The following XAF1 variants were observed in gnomAD, a reference collection of about 807,000 sequenced individuals.
XAF1 encodes the protein XIAP associated factor 1.
A neutral mutation model predicts 32.3 loss-of-function variants in XAF1; 32 were observed. The observed-to-expected ratio is 0.99, with a 90% CI of 0.75 to 1.33. The LOEUF (loss-of-function observed/expected upper bound fraction) is 1.33, where lower values mean the gene tolerates loss of function less well. Ranked by LOEUF, XAF1 falls within the 40% of genes most tolerant of loss-of-function variation. XAF1 has a pLI of 0.00. For missense variants in XAF1, 379 were observed against 366.0 expected (o/e 1.04, Z -0.29); for synonymous variants, 120 against 125.9 (o/e 0.95, Z 0.31).
Position 6,758,204 on chromosome 17 carries a change from T to C in XAF1, c.148T>C (p.Cys50Arg). Residue 50 changes from cysteine to arginine, a missense_variant, in exon 2 of 7, where the codon TGC becomes CGC. Coordinates refer to ENST00000361842, the MANE Select transcript of XAF1 (RefSeq NM_017523.5). Reference sequence around the variant, plus strand: ...CCCCAAGGAAACCATGGAGGAGCACTGCAAGCTTGAGCACCAGCAGGTGAG... The same window carrying C: ...CCCCAAGGAAACCATGGAGGAGCACCGCAAGCTTGAGCACCAGCAGGTGAG... ...PVPKETMEEHCKLEHQQVGCT... is the reference protein window; with the variant it reads ...PVPKETMEEHRKLEHQQVGCT... 6.2e-7 allele frequency: 1 copy of C among 1,614,176 alleles called. No homozygotes were observed. Among genetic ancestry groups the C allele is most frequent in the South Asian group, 1.1e-5 (1 of 91,074 alleles).
At chr17:6,763,054 G>A (rs530711752) in intron 5 of XAF1, among the ~76,000 whole-genome samples, 1 of 152,298 alleles carries the variant, frequency 6.6e-6, no homozygotes, top group South Asian at 2.1e-4. Context: ...ACAATGTTGT[G>A]CAATCTGGTT....
In XAF1 at chr17:6,770,697, G is replaced by A. The variant is rs34625877; in HGVS notation, c.562G>A (p.Glu188Lys). 2.9e-3 allele frequency: 4,590 copies of A among 1,610,252 alleles called. 125 individuals carry two copies. In the African/African-American group the frequency reaches 0.055, roughly 19 times the overall value. ...FKKHFPVGNP[E>K]ILPSSLPSQA... ...GAAACACTTTCCTGTTGGAAATCCAGAAATTCTTCCTTCATCTCTTCCAAG... is the reference window on the plus strand; with the variant it reads ...GAAACACTTTCCTGTTGGAAATCCAAAAATTCTTCCTTCATCTCTTCCAAG... The change falls in exon 6 of 7, where the codon GAA (glutamate) becomes AAA (lysine). Residue 188 changes from glutamate (E) to lysine (K), a missense_variant. By Grantham distance (56) the Glu-to-Lys change is moderately conservative. Transcript: ENST00000361842.
At position 6,775,307 on chromosome 17, in the gene XAF1, A is replaced by G. The variant is rs1394298563; in HGVS notation, c.*2138A>G. 1 of 152,202 alleles carries G rather than the reference A, an allele frequency of 6.6e-6. No homozygotes were observed. Among genetic ancestry groups the G allele is most frequent in the African/African-American group, 2.4e-5 (1 of 41,454 alleles). 9.4% of individuals were successfully genotyped at this position (152,202 alleles called of 1,614,324 possible). A position where few individuals can be genotyped will look rare whatever the true frequency, so the allele number is the denominator to read the frequency against. ...GAGCATGGAAGGAGGGTGAGGATCA[A>G]AAAACTACCTATCTGGTACTATGCT... On this transcript the variant is annotated 3_prime_UTR_variant, in exon 7 of 7. Coordinates refer to ENST00000361842, the MANE Select transcript of XAF1 (RefSeq NM_017523.5).
chr17:6,759,459 A>G, intron 2 of XAF1: 1 of 1,424,430 alleles, frequency 7.0e-7, no homozygotes, highest in South Asian at 1.6e-5. Flanking sequence ...GCCGTTGCCA[A>G]CTCAGACTGG....
intron 5 of XAF1, among the ~76,000 whole-genome samples, chr17:6,763,065 C>T (rs73356249): frequency 0.046 from 6,945 of 152,276 alleles, 492 homozygotes; most frequent in African/African-American, 0.15. Flanking sequence ...CAATCTGGTT[C>T]TAGAATATTT....
At position 6,774,752 on chromosome 17, in the gene XAF1, ATG is replaced by A. The variant is rs1976305226; in HGVS notation, c.*1586_*1587del. 1 of 152,220 alleles carries A rather than the reference ATG, an allele frequency of 6.6e-6. No individual in the cohort carries two copies. Among genetic ancestry groups the A allele is most frequent in the Non-Finnish European group, 1.5e-5 (1 of 68,054 alleles). The allele number at this position is 152,220 out of a possible 1,614,324, so 9.4% of individuals were successfully genotyped here. On this transcript the variant is annotated 3_prime_UTR_variant, in exon 7 of 7. Coordinates refer to ENST00000361842, the MANE Select transcript of XAF1 (RefSeq NM_017523.5). ...ATCAGTGGTAGAAAGGATAAAGAAA[ATG>A]TGGTGGCAGGGAGTGGTGGCTCATG...
chr17:6,761,825 AG>A, intron 4 of XAF1: 1 of 1,350,394 alleles, frequency 7.4e-7, no homozygotes, highest in Non-Finnish European at 9.7e-7. Flanking sequence ...GTGCAATGAA[AG>A]AGCACAGTCA....
chr17:6,755,759 A>T (rs1974608552), upstream of XAF1: 5 of 1,152,964 alleles, frequency 4.3e-6, no homozygotes, highest in South Asian at 1.3e-4. Context: ...GACGGAGAGA[A>T]GCCAGCCAGC....
chr17:6,771,023 C>G (rs762259945), intron 6 of XAF1, 39 bp downstream of exon 6: 54 of 1,593,998 alleles, frequency 3.4e-5, no homozygotes, highest in Middle Eastern at 1.7e-4. Flanking sequence ...TTCTGGGAAC[C>G]ATCCGCACAG....
rs140032811 is a variant in XAF1 at position 6,770,741 on chromosome 17, A to G, written c.606A>G (p.Gln202=). The G allele has an allele frequency of 1.6e-5, 26 of 1,614,026 alleles. No individual in the cohort carries two copies. In the African/African-American group the frequency reaches 1.7e-4, roughly 11 times the overall value. ...TTCCAAGTCAAGCTGCTGAAAATCA[A>G]ACTTCCACGATGGAGAAAGATGTTC... The part of the protein sequence containing the change: ...SSLPSQAAEN[Q]TSTMEKDVRP... The change falls in exon 6 of 7, where the codon CAA becomes CAG. Residue 202 remains glutamine (Q), a synonymous_variant. Coordinates refer to ENST00000361842, the MANE Select transcript of XAF1 (RefSeq NM_017523.5).
chr17:6,756,119 G>C lies in XAF1; in HGVS notation c.32+9G>C. 1.2e-6 allele frequency: 2 copies of C among 1,614,020 alleles called. No individual in the cohort carries two copies. The highest frequency in any genetic ancestry group is 1.7e-6 in the Non-Finnish European group (2 of 1,180,002). ...TCGGTGTGCAGGAACTGGTAAGAAA[G>C]TGCTTTCTCCAGCGGCAGACCCGGG... On this transcript the variant is annotated intron_variant, in intron 1 of 6. Transcript: ENST00000361842.
rs1975990855 is a variant in XAF1 at position 6,770,952 on chromosome 17, C to A, written c.817C>A (p.Leu273Met). Reference protein sequence around the residue: ...ILRRCSQCGILLPLPILNQHQ... With the variant: ...ILRRCSQCGIMLPLPILNQHQ... ...GAGGAGATGTTCTCAGTGTGGCATC[C>A]TGCTTCCCCTGCCGATCCTAAATCA... Residue 273 changes from leucine (L) to methionine (M), a missense_variant, in exon 6 of 7, where the codon CTG becomes ATG. Physicochemically the swap from Leu to Met is conservative, Grantham distance 15. Coordinates refer to ENST00000361842, the MANE Select transcript of XAF1 (RefSeq NM_017523.5). 6.2e-7 allele frequency: 1 copy of A among 1,614,120 alleles called. No individual in the cohort carries two copies. The highest frequency in any genetic ancestry group is 1.6e-4 in the Middle Eastern group (1 of 6,062).
Position 6,773,104 on chromosome 17 carries a change from A to G in XAF1, c.850-9A>G, listed in dbSNP as rs1398252712. On this transcript the variant is annotated splice_polypyrimidine_tract_variant and intron_variant, in intron 6 of 6. Transcript: ENST00000361842. ...ACCATATCAAACTTTTTTTATATCCATTTCTTAGGAGAAATGCCGGTGGTT... is the reference window on the plus strand; with the variant it reads ...ACCATATCAAACTTTTTTTATATCCGTTTCTTAGGAGAAATGCCGGTGGTT... The G allele has an allele frequency of 1.2e-6, 2 of 1,601,486 alleles. No homozygotes were observed. Among genetic ancestry groups the G allele is most frequent in the Non-Finnish European group, 1.7e-6 (2 of 1,176,494 alleles).
chr17:6,773,387 C>G lies in XAF1; in HGVS notation c.*218C>G, dbSNP rs888205110. 19 of 474,536 alleles carry G rather than the reference C, an allele frequency of 4.0e-5. No homozygotes were observed. Among genetic ancestry groups the G allele is most frequent in the African/African-American group, 1.4e-4 (7 of 48,376 alleles). 29.4% of individuals were successfully genotyped at this position (474,536 alleles called of 1,614,324 possible). A position where few individuals can be genotyped will look rare whatever the true frequency, so the allele number is the denominator to read the frequency against. On this transcript the variant is annotated 3_prime_UTR_variant, in exon 7 of 7. Coordinates refer to ENST00000361842, the MANE Select transcript of XAF1 (RefSeq NM_017523.5). Reference sequence around the variant, plus strand: ...TTCAACTTGACTTCATGTTAAAAACCCTCAACAAACCAGGCGTCGAAGGAA... The same window carrying G: ...TTCAACTTGACTTCATGTTAAAAACGCTCAACAAACCAGGCGTCGAAGGAA...
intron 4 of XAF1, chr17:6,761,682 G>A (rs1328895789): frequency 1.5e-5 from 7 of 463,560 alleles, no homozygotes; most frequent in South Asian, 4.5e-5. Flanking sequence ...ATGGCTGGAC[G>A]TCAACAGAAT....
chr17:6,764,809 AG>A (rs1975471485), intron 5 of XAF1, among the ~76,000 whole-genome samples: 1 of 152,166 alleles, frequency 6.6e-6, no homozygotes, highest in Non-Finnish European at 1.5e-5. Flanking sequence ...TTCCCACTCC[AG>A]TCTGGCTCTC....
At chr17:6,765,008 T>C (rs9916094) in intron 5 of XAF1, among the ~76,000 whole-genome samples, 16,521 of 152,216 alleles carry the variant, frequency 0.11, 1,226 homozygotes, top group African/African-American at 0.21. Context: ...TCTCTCATTC[T>C]CTACCTCCCC....
At position 6,770,636 on chromosome 17, in the gene XAF1, A is replaced by G. The variant is rs201665314; in HGVS notation, c.508-7A>G. The stretch of plus-strand genomic sequence containing the variant: ...TTTAAAATTTGATATATTATTCACA[A>G]TTGCAGGGTAAATGTTGTCCAGACT... On this transcript the variant is annotated splice_polypyrimidine_tract_variant and splice_region_variant and intron_variant, in intron 5 of 6. Transcript: ENST00000361842. 8.3e-6 allele frequency: 13 copies of G among 1,563,270 alleles called. No homozygotes were observed. In the Admixed American group the frequency reaches 2.1e-4, roughly 25 times the overall value.
rs372204463 is a variant in XAF1 at position 6,760,153 on chromosome 17, G to A, written c.226-253G>A. ...TCACGAGGTCAGGAGTTCGAGACCAGCCTGACCAACATGGTGAAACCCCGT... is the reference window on the plus strand; with the variant it reads ...TCACGAGGTCAGGAGTTCGAGACCAACCTGACCAACATGGTGAAACCCCGT... On this transcript the variant is annotated intron_variant, in intron 3 of 6. Transcript: ENST00000361842. Among the ~76,000 whole-genome samples, 47 of 152,120 alleles carry A rather than the reference G, an allele frequency of 3.1e-4. 1 individual carries two copies. Among genetic ancestry groups the A allele is most frequent in the African/African-American group, 1.0e-3 (43 of 41,492 alleles).
Sources: gnomAD v4.1 joint callset for allele counts (sites outside exome capture counted in the v4.1 genomes callset) on GRCh38, gnomAD v4.1.1 for gene constraint, MANE v1.5 for transcripts, NCBI Gene and HGNC (gene_info 2026-07-23, HGNC 2026-07-21) for gene names.